PSAP: variants seen among roughly 807,000 people sequenced by gnomAD.
The protein encoded by PSAP is prosaposin.
PSAP carries 25 observed loss-of-function variants against 66.0 expected under a neutral mutation model. The ratio of observed to expected loss-of-function variants is 0.38; its 90% CI spans 0.28 to 0.53. The LOEUF is 0.53. Among genes scored for constraint, PSAP ranks in the 20% least tolerant of loss-of-function variants. The pLI is 0.83. For missense variants in PSAP, 649 were observed against 668.8 expected, an observed-to-expected ratio of 0.97 and a Z score of 0.33; for synonymous variants, 273 against 258.9, an observed-to-expected ratio of 1.05 and a Z score of -0.52.
intron 9 of PSAP, 72 bp downstream of exon 9, chr10:71,820,168 G>A (rs1182298778): frequency 3.7e-6 from 5 of 1,351,688 alleles, no homozygotes; most frequent in Non-Finnish European, 4.2e-6. Context: ...CTCTCCTGTG[G>A]GACTTTCCCA....
At position 71,819,708 on chromosome 10, in the gene PSAP, G is replaced by A. The variant is rs374560502; in HGVS notation, c.1192+6C>T. ...CATCCTCTCCCGCACCACACCCAGC[G>A]CTCACCGGTCAGTGCAGGCAGCCGC... On this transcript the variant is annotated splice_donor_region_variant and intron_variant, in intron 10 of 13. Transcript: ENST00000394936. 3.5e-5 allele frequency: 56 copies of A among 1,613,886 alleles called. No homozygotes were observed. In the African/African-American group the frequency reaches 3.7e-4, roughly 11 times the overall value.
Position 71,819,043 on chromosome 10 carries a change from G to A in PSAP, c.1419C>T (p.Ser473=), listed in dbSNP as rs1842236573. Residue 473 remains serine, a synonymous_variant, in exon 12 of 14, where the codon TCC becomes TCT. Transcript: ENST00000394936. ...IEILVEVMDP[S]FVCLKIGACP... Reference sequence around the variant, plus strand: ...CAGTGAGGCTCACCAAGCACACGAAGGAAGGATCCATCACCTCCACCAGGA... The same window carrying A: ...CAGTGAGGCTCACCAAGCACACGAAAGAAGGATCCATCACCTCCACCAGGA... 2.5e-6 allele frequency: 4 copies of A among 1,614,056 alleles called. 1 individual carries two copies. In the Middle Eastern group the frequency reaches 6.6e-4, roughly 266 times the overall value.
intron 1 of PSAP, among the ~76,000 whole-genome samples, chr10:71,845,060 A>G (rs1430698735): frequency 6.6e-6 from 1 of 152,192 alleles, no homozygotes; most frequent in Non-Finnish European, 1.5e-5. Flanking sequence ...TGCCTAATTT[A>G]TAAACTAAAC....
rs761826289 is a variant in PSAP, at chr10:71,819,856, C to T, written c.1050G>A (p.Pro350=). ...DAFDKMCSKL[P]KSLSEECQEV... ...CCTGGCACTCTTCCGACAGGGACTTCGGCAGCTTCGAGCACATTTTGTCAA... is the reference window on the plus strand; with the variant it reads ...CCTGGCACTCTTCCGACAGGGACTTTGGCAGCTTCGAGCACATTTTGTCAA... Residue 350 remains proline (P), a synonymous_variant, in exon 10 of 14, where the codon CCG becomes CCA. Coordinates refer to ENST00000394936, the MANE Select transcript of PSAP (RefSeq NM_002778.4). 18 of 1,614,162 alleles carry T rather than the reference C, an allele frequency of 1.1e-5. No homozygotes were observed. The highest frequency in any genetic ancestry group is 1.6e-4 in the Middle Eastern group (1 of 6,062).
intron 1 of PSAP, chr10:71,844,804 T>C (rs1344631406): frequency 6.6e-6 from 1 of 152,206 alleles, no homozygotes; most frequent in Non-Finnish European, 1.5e-5. Context: ...AATCTATACA[T>C]TTTCAACATA....
At chr10:71,833,727 G>A (rs1243744414) in intron 2 of PSAP, among the ~76,000 whole-genome samples, 1 of 152,218 alleles carries the variant, frequency 6.6e-6, no homozygotes, top group African/African-American at 2.4e-5. Flanking sequence ...GGACCGTGAG[G>A]AACACACCCA....
At position 71,823,342 on chromosome 10, in the gene PSAP, CAA is replaced by C. The variant is rs1842342156; in HGVS notation, c.778-1337_778-1336del. On this transcript the variant is annotated intron_variant, in intron 7 of 13. Transcript: ENST00000394936. ...TACCCAGAGGGGCAGAAGCCACAAT[CAA>C]GAGATTGTTTCCAATTCTCTGGATC... Among the ~76,000 whole-genome samples the C allele has an allele frequency of 2.0e-5, 3 of 152,238 alleles. No individual in the cohort carries two copies. In the South Asian group the frequency reaches 6.2e-4, roughly 31 times the overall value.
chr10:71,820,382 G>T, intron 8 of PSAP, 47 bp from the exon 9 acceptor site: 1 of 1,527,514 alleles, frequency 6.5e-7, no homozygotes, highest in Non-Finnish European at 9.1e-7. Context: ...GGGACTCACA[G>T]CCCTTGGTCT....
At chr10:71,833,015 T>TAAAAAAAAA (rs1842548519) in intron 2 of PSAP, among the ~76,000 whole-genome samples, 1 of 33,058 alleles carries the variant, frequency 3.0e-5, no homozygotes, top group Admixed American at 3.0e-4. Flanking sequence ...AGAGTCCATC[T>TAAAAAAAAA]CAAAAAAAAA....
intron 2 of PSAP, among the ~76,000 whole-genome samples, chr10:71,833,016 C>CAAAAAAAAAAAAAAAAAAAA (rs781415981): frequency 2.0e-5 from 1 of 50,702 alleles, no homozygotes; most frequent in African/African-American, 8.5e-5. Context: ...GAGTCCATCT[C>CAAAAAAAAAAAAAAAAAAAA]AAAAAAAAAA....
rs1390503989 is a variant in PSAP, at chr10:71,834,284, GCT to G, written c.174+86_174+87del. ...TAAACAAAACAAGGCAAGAAAAAGT[GCT>G]CTGTCAATATGGCAGTGAGTTACAG... is the stretch of plus-strand genomic sequence containing the variant. On this transcript the variant is annotated intron_variant, in intron 2 of 13. Transcript: ENST00000394936. 2.1e-5 allele frequency: 33 copies of G among 1,593,178 alleles called. No individual in the cohort carries two copies. In the African/African-American group the frequency reaches 2.4e-4, roughly 12 times the overall value.
chr10:71,829,196 G>A, intron 4 of PSAP, 119 bp from the exon 5 acceptor site: 1 of 1,008,594 alleles, frequency 9.9e-7, no homozygotes. Flanking sequence ...ACACAAACCT[G>A]TTGTCTAAAT....
intron 13 of PSAP, 109 bp downstream of exon 13, chr10:71,818,508 A>G (rs1842221205): frequency 9.9e-7 from 1 of 1,010,924 alleles, no homozygotes; most frequent in Admixed American, 1.7e-5. Flanking sequence ...TTCTGATAAC[A>G]TAAAAGCAGG....
rs532242066 is a variant in PSAP at position 71,819,521 on chromosome 10, T to A, written c.1294A>T (p.Ile432Phe). The A allele has an allele frequency of 4.4e-5, 71 of 1,614,182 alleles. No homozygotes were observed. In the Admixed American group the frequency reaches 9.5e-4, roughly 22 times the overall value. The change falls in exon 11 of 14, where the codon ATC (isoleucine) becomes TTC (phenylalanine). Residue 432 changes from isoleucine (I) to phenylalanine (F), a missense_variant. Transcript: ENST00000394936. ...CAGCCTTTCTCAAGAGCAGCCAGGA[T>A]CTCCTGCTTGGTGCTGTTTTTCTCC... ...NLEKNSTKQE[I>F]LAALEKGCSF...
At chr10:71,840,888 T>C (rs80292031) in intron 1 of PSAP, among the ~76,000 whole-genome samples, 4,763 of 150,362 alleles carry the variant, frequency 0.032, 118 homozygotes, top group East Asian at 0.085. Flanking sequence ...TCAGATTGTA[T>C]GCAATGGAGG....
intron 9 of PSAP, 61 bp downstream of exon 9, chr10:71,820,165 GTGGGACTTTCCCAC>G: frequency 7.5e-7 from 1 of 1,332,128 alleles, no homozygotes; most frequent in Admixed American, 1.7e-5. Flanking sequence ...CCTCTCTCCT[GTGGGACTTTCCCAC>G]TGGGACATTC....
intron 7 of PSAP, 100 bp downstream of exon 7, chr10:71,825,736 TA>T: frequency 5.2e-6 from 6 of 1,160,922 alleles, no homozygotes; most frequent in South Asian, 1.3e-5. Flanking sequence ...CACTCTAAGG[TA>T]AAAAAGGGAA....
At chr10:71,820,415 C>T (rs2133033170) in intron 8 of PSAP, 80 bp from the exon 9 acceptor site, 1 of 1,185,524 alleles carries the variant, frequency 8.4e-7, no homozygotes, top group African/African-American at 1.5e-5. Context: ...GGAAAGGGGA[C>T]ACAGAGACCA....
intron 4 of PSAP, among the ~76,000 whole-genome samples, chr10:71,830,000 A>AAAAT (rs556675162): frequency 3.4e-4 from 52 of 152,236 alleles, no homozygotes; most frequent in South Asian, 1.2e-3. Flanking sequence ...CAGTCTCAAA[A>AAAAT]AAATAAATAA....
Sources: gnomAD v4.1 joint callset for allele counts (sites outside exome capture counted in the v4.1 genomes callset) on GRCh38, gnomAD v4.1.1 for gene constraint, MANE v1.5 for transcripts, NCBI Gene and HGNC (gene_info 2026-07-23, HGNC 2026-07-21) for gene names.